SHTN1: variants seen among roughly 807,000 people sequenced by gnomAD.
The protein encoded by SHTN1 is shootin 1, also known as shootin-1.
SHTN1 carries 42 observed loss-of-function variants against 83.1 expected under a neutral mutation model. That is an observed-to-expected ratio of 0.51 (90% CI 0.39 to 0.65). The LOEUF (loss-of-function observed/expected upper bound fraction) is 0.65, where lower values mean the gene tolerates loss of function less well. Among genes scored for constraint, SHTN1 ranks in the 30% least tolerant of loss-of-function variants. SHTN1 has a pLI of 0.00. For missense variants in SHTN1, 622 were observed against 737.8 expected (o/e 0.84, Z 1.82); for synonymous variants, 224 against 247.7 (o/e 0.90, Z 0.90).
rs527944305 is a variant in SHTN1, at chr10:117,116,932, G to A, written c.-189+9375C>T. Among the ~76,000 whole-genome samples, 40 of 152,156 alleles carry A rather than the reference G, an allele frequency of 2.6e-4. 1 individual carries two copies. The South Asian group carries it at 6.6e-3, about 25-fold the overall frequency. On this transcript the variant is annotated intron_variant, in intron 1 of 17. Transcript: ENST00000392901. The stretch of plus-strand genomic sequence containing the variant: ...CCTCAAAATAATAAAGGCTGTATAT[G>A]ACAAACCCACAACTAACATATTGAA...
At position 116,940,616 on chromosome 10, in the gene SHTN1, C is replaced by T. The variant is rs372411354; in HGVS notation, c.712-4G>A. 1.3e-6 allele frequency: 2 copies of T among 1,596,800 alleles called. No homozygotes were observed. The highest frequency in any genetic ancestry group is 2.7e-5 in the African/African-American group (2 of 74,338). ...GCTTGTTTTGCTCAATGAACATCTG[C>T]AAAAGTTTGTTACAAGAATGTATAT... On this transcript the variant is annotated splice_region_variant and splice_polypyrimidine_tract_variant and intron_variant, in intron 8 of 16. Coordinates refer to ENST00000355371, the MANE Select transcript of SHTN1 (RefSeq NM_001127211.3).
intron 7 of SHTN1, among the ~76,000 whole-genome samples, chr10:116,945,444 G>A (rs1410950543): frequency 6.6e-6 from 1 of 152,122 alleles, no homozygotes; most frequent in South Asian, 2.1e-4. Context: ...CATCTGTGAT[G>A]TATTTTTAAA....
intron 14 of SHTN1, among the ~76,000 whole-genome samples, chr10:116,911,017 T>C (rs1848168672): frequency 6.6e-6 from 1 of 152,222 alleles, no homozygotes; most frequent in African/African-American, 2.4e-5. Context: ...ACAACAAACA[T>C]GGGAGTATTC....
chr10:116,901,823 C>G lies in SHTN1; in HGVS notation c.1615G>C (p.Glu539Gln), dbSNP rs1847749096. 2.5e-6 allele frequency: 4 copies of G among 1,600,950 alleles called. No individual in the cohort carries two copies. The East Asian group carries it at 9.0e-5, about 36-fold the overall frequency. Reference protein sequence around the residue: ...EFNSPSPPTPEPGEGPRKLEG... With the variant: ...EFNSPSPPTPQPGEGPRKLEG... Reference sequence around the variant, plus strand: ...AATTTACGGGGCCCTTCACCTGGCTCAGGTGTTGGGGGGGACGGGCTGTTG... The same window carrying G: ...AATTTACGGGGCCCTTCACCTGGCTGAGGTGTTGGGGGGGACGGGCTGTTG... The change falls in exon 16 of 17, where the codon GAG becomes CAG. Residue 539 changes from glutamate (E) to glutamine (Q), a missense_variant. Glu to Gln is a conservative substitution (Grantham distance 29). Around this residue, in one of 3 missense-constraint regions of SHTN1, gnomAD observed 231 missense variants for 251.6 expected, o/e 0.92. Transcript: ENST00000355371.
At chr10:116,985,988 T>A (rs1851204492) in intron 1 of SHTN1, among the ~76,000 whole-genome samples, 1 of 152,156 alleles carries the variant, frequency 6.6e-6, no homozygotes, top group African/African-American at 2.4e-5. Context: ...AGATTTCATA[T>A]CCTGAAAAGA....
upstream of SHTN1, chr10:117,005,415 C>T (rs1310626848): frequency 1.2e-5 from 14 of 1,141,524 alleles, no homozygotes; most frequent in East Asian, 8.5e-4. Context: ...GGCGGCCCTG[C>T]GTGGGGTCGC....
upstream of SHTN1, among the ~76,000 whole-genome samples, chr10:117,010,239 C>T (rs1852084092): frequency 6.6e-6 from 1 of 151,444 alleles, no homozygotes; most frequent in Non-Finnish European, 1.5e-5. Flanking sequence ...GACAGTAATA[C>T]CAATGATTCA....
chr10:116,899,467 C>G (rs997369770), intron 16 of SHTN1, among the ~76,000 whole-genome samples: 14 of 148,338 alleles, frequency 9.4e-5, no homozygotes, highest in Non-Finnish European at 8.9e-5. Context: ...ACAAAAAGGC[C>G]AAAGTGGAGG....
intron 1 of SHTN1, among the ~76,000 whole-genome samples, chr10:117,120,394 C>A (rs1016745760): frequency 2.8e-4 from 42 of 151,730 alleles, no homozygotes; most frequent in African/African-American, 9.2e-4. Flanking sequence ...ACTACAGGCA[C>A]CCGCCACCAC....
chr10:117,045,147 A>G (rs1170089410), intron 2 of SHTN1, among the ~76,000 whole-genome samples: 1 of 152,216 alleles, frequency 6.6e-6, no homozygotes, highest in Non-Finnish European at 1.5e-5. Flanking sequence ...ACATTCATTT[A>G]TGGAGAATAA....
chr10:117,100,236 A>G (rs576846073), intron 1 of SHTN1, among the ~76,000 whole-genome samples: 25 of 152,306 alleles, frequency 1.6e-4, no homozygotes, highest in African/African-American at 6.0e-4. Flanking sequence ...TCTGGCACAC[A>G]TCAGATCAGG....
intron 1 of SHTN1, among the ~76,000 whole-genome samples, chr10:116,997,310 C>G (rs1185188476): frequency 6.6e-6 from 1 of 152,184 alleles, no homozygotes; most frequent in Admixed American, 6.5e-5. Flanking sequence ...GTATGTTGAG[C>G]CACTGCTTAT....
intron 1 of SHTN1, among the ~76,000 whole-genome samples, chr10:117,067,834 T>C (rs753880877): frequency 2.6e-5 from 4 of 152,096 alleles, no homozygotes; most frequent in South Asian, 2.1e-4. Context: ...ATATTGGATA[T>C]GGGAAGTGGG....
At chr10:117,018,387 A>G (rs1329032687) in intron 2 of SHTN1, among the ~76,000 whole-genome samples, 1 of 93,934 alleles carries the variant, frequency 1.1e-5, no homozygotes, top group Non-Finnish European at 2.5e-5. Flanking sequence ...TATCATCTCA[A>G]TAGATTTAGA....
intron 1 of SHTN1, among the ~76,000 whole-genome samples, chr10:116,993,788 G>C (rs890643460): frequency 6.6e-6 from 1 of 152,040 alleles, no homozygotes; most frequent in Non-Finnish European, 1.5e-5. Context: ...TGCTTACAAA[G>C]GTTTCGCAAT....
intron 1 of SHTN1, among the ~76,000 whole-genome samples, chr10:117,072,376 T>C (rs1853094549): frequency 6.6e-6 from 1 of 152,048 alleles, no homozygotes; most frequent in Non-Finnish European, 1.5e-5. Context: ...GCCCACATCG[T>C]GAATTTTAGC....
intron 5 of SHTN1, among the ~76,000 whole-genome samples, chr10:116,952,634 T>C (rs1307448838): frequency 2.6e-5 from 4 of 152,196 alleles, no homozygotes; most frequent in Non-Finnish European, 4.4e-5. Context: ...AATGAGAGTA[T>C]TATCAACTGT....
intron 1 of SHTN1, among the ~76,000 whole-genome samples, chr10:117,058,421 A>G (rs1318060042): frequency 2.6e-5 from 4 of 152,220 alleles, no homozygotes; most frequent in African/African-American, 9.6e-5. Context: ...AACACATGAA[A>G]AGATAGGCAA....
chr10:117,050,080 T>C (rs1317517011), intron 1 of SHTN1, among the ~76,000 whole-genome samples: 1 of 152,144 alleles, frequency 6.6e-6, no homozygotes, highest in Non-Finnish European at 1.5e-5. Context: ...TAGTTTCAGC[T>C]ACTCAAGAGG....
Sources: allele counts gnomAD v4.1 joint callset (sites outside exome capture counted in the v4.1 genomes callset), GRCh38; gene constraint gnomAD v4.1.1; regional missense constraint gnomAD v4.1.1; transcripts MANE v1.5; gene names NCBI Gene and HGNC (gene_info 2026-07-23, HGNC 2026-07-21).